The following SRPK2 variants were observed in gnomAD, a reference collection of about 807,000 sequenced individuals.
SRPK2 encodes the protein SFRS protein kinase 2.
SRPK2 carries 21 observed loss-of-function variants against 90.8 expected under a neutral mutation model. That is an observed-to-expected ratio of 0.23 (90% confidence interval 0.16 to 0.33). The LOEUF (loss-of-function observed/expected upper bound fraction) is 0.33. Among genes scored for constraint, SRPK2 ranks in the 10% least tolerant of loss-of-function variants. The pLI is 1.00. For synonymous variants in SRPK2, 288 were observed against 311.1 expected (o/e 0.93, Z 0.78); for missense variants, 620 against 869.0 (o/e 0.71, Z 3.60).
intron 2 of SRPK2, among the ~76,000 whole-genome samples, chr7:105,230,696 C>T (rs374036944): frequency 2.0e-5 from 3 of 152,106 alleles, no homozygotes; most frequent in Non-Finnish European, 4.4e-5. Flanking sequence ...TGTTGACAAA[C>T]GTCAACTGTT....
Position 105,187,981 on chromosome 7 carries a change from C to T in SRPK2, c.229+15647G>A, listed in dbSNP as rs532902733. On this transcript the variant is annotated intron_variant, in intron 3 of 15. Coordinates refer to ENST00000393651, the MANE Select transcript of SRPK2 (RefSeq NM_182692.3). The stretch of plus-strand genomic sequence containing the variant: ...ACAGCCATCTGGGGAAATAATCTGA[C>T]AGCTCCTTAAGTGATTACCATATGA... Among the ~76,000 whole-genome samples, 5 of 152,240 alleles carry T rather than the reference C, an allele frequency of 3.3e-5. No individual in the cohort carries two copies. In the East Asian group the frequency reaches 9.6e-4, roughly 29 times the overall value.
intron 6 of SRPK2, among the ~76,000 whole-genome samples, chr7:105,164,588 A>G (rs2129584455): frequency 6.6e-6 from 1 of 152,244 alleles, no homozygotes; most frequent in East Asian, 1.9e-4. Context: ...ATTGTTTACA[A>G]AAGTGTCTTG....
intron 2 of SRPK2, among the ~76,000 whole-genome samples, chr7:105,212,207 G>A (rs41563): frequency 0.3 from 45,798 of 152,068 alleles, 7,200 homozygotes; most frequent in Non-Finnish European, 0.34. Flanking sequence ...AATGGAGAAA[G>A]ACTGACAGAA....
chr7:105,323,714 A>C (rs1339834826), intron 2 of SRPK2, among the ~76,000 whole-genome samples: 1 of 152,224 alleles, frequency 6.6e-6, no homozygotes, highest in Non-Finnish European at 1.5e-5. Flanking sequence ...GAATATTCTA[A>C]GAAGAACAAA....
intron 7 of SRPK2, among the ~76,000 whole-genome samples, chr7:105,150,725 T>C (rs909623745): frequency 2.6e-5 from 4 of 152,174 alleles, no homozygotes; most frequent in Non-Finnish European, 4.4e-5. Flanking sequence ...AAAGAGATTC[T>C]GAAAAGTACA....
chr7:105,228,093 T>C (rs865942451), intron 2 of SRPK2, among the ~76,000 whole-genome samples: 17 of 152,178 alleles, frequency 1.1e-4, no homozygotes, highest in Middle Eastern at 3.2e-3. Flanking sequence ...CCAGACTGGA[T>C]TGCAGTGATG....
intron 2 of SRPK2, among the ~76,000 whole-genome samples, chr7:105,377,563 G>C (rs1332275278): frequency 6.6e-6 from 1 of 151,934 alleles, no homozygotes; most frequent in Non-Finnish European, 1.5e-5. Flanking sequence ...AGCCAGCCGT[G>C]GTAGTGGCAC....
chr7:105,239,077 T>C (rs1252680992), intron 2 of SRPK2, among the ~76,000 whole-genome samples: 1 of 152,166 alleles, frequency 6.6e-6, no homozygotes, highest in Non-Finnish European at 1.5e-5. Flanking sequence ...ATCACAGCCA[T>C]CCCTGGCAAA....
In SRPK2 at chr7:105,160,568, C is replaced by G; in HGVS notation, c.560G>C (p.Trp187Ser). 6.2e-7 allele frequency: 1 copy of G among 1,613,854 alleles called. No homozygotes were observed. Among genetic ancestry groups the G allele is most frequent in the Non-Finnish European group, 8.5e-7 (1 of 1,179,792 alleles). ...FEVLGHHLLK[W>S]IIKSNYQGLP... The stretch of plus-strand genomic sequence containing the variant: ...GCCTTGATAGTTGGATTTGATGATC[C>G]ACTTGAGGAGATGGTGGCCAAGTAC... The change falls in exon 7 of 16, where the codon TGG becomes TCG. Residue 187 changes from tryptophan (W) to serine (S), a missense_variant. This residue lies in a region of SRPK2 where 196 missense variants were observed against 339.2 expected (regional missense o/e 0.58). Coordinates refer to ENST00000393651, the MANE Select transcript of SRPK2 (RefSeq NM_182692.3).
chr7:105,301,394 C>G, intron 2 of SRPK2: 1 of 626,462 alleles, frequency 1.6e-6, no homozygotes. Context: ...CTGCCAGTGC[C>G]AAGACTGTGC....
chr7:105,387,256 C>T (rs796547977), intron 2 of SRPK2, among the ~76,000 whole-genome samples: 22 of 152,286 alleles, frequency 1.4e-4, no homozygotes, highest in African/African-American at 5.3e-4. Flanking sequence ...GTGATTAAAA[C>T]ACAGTACTTA....
chr7:105,124,120 C>T (rs1299131354), intron 15 of SRPK2, among the ~76,000 whole-genome samples: 2 of 152,190 alleles, frequency 1.3e-5, no homozygotes, highest in South Asian at 2.1e-4. Context: ...TTTATGGCCA[C>T]ACGCAGGCCG....
intron 14 of SRPK2, 146 bp from the exon 15 acceptor site, chr7:105,126,486 T>TG: frequency 6.1e-6 from 4 of 651,992 alleles, no homozygotes; most frequent in Non-Finnish European, 1.0e-5. Context: ...CAGAGGCTTG[T>TG]GGGAATGGCA....
intron 3 of SRPK2, among the ~76,000 whole-genome samples, chr7:105,195,874 C>T (rs1364452302): frequency 1.3e-5 from 2 of 152,176 alleles, no homozygotes; most frequent in Non-Finnish European, 2.9e-5. Flanking sequence ...TACTGGGGTG[C>T]CAGGGAAGCT....
intron 7 of SRPK2, among the ~76,000 whole-genome samples, chr7:105,149,659 T>C (rs566951774): frequency 1.2e-3 from 180 of 152,176 alleles, no homozygotes; most frequent in Middle Eastern, 6.8e-3. Context: ...GGCAGGCCAC[T>C]CCTTCAATCC....
intron 7 of SRPK2, among the ~76,000 whole-genome samples, chr7:105,152,666 G>A (rs1379010166): frequency 1.3e-5 from 2 of 152,136 alleles, no homozygotes; most frequent in African/African-American, 4.8e-5. Flanking sequence ...AAATCTGACA[G>A]AGTTAAGTCT....
chr7:105,205,374 T>C (rs1585168831), intron 2 of SRPK2, among the ~76,000 whole-genome samples: 1 of 152,268 alleles, frequency 6.6e-6, no homozygotes, highest in Non-Finnish European at 1.5e-5. Flanking sequence ...ATTGCTGCTT[T>C]CTGGAATTTA....
chr7:105,175,362 T>C (rs1791706600), intron 3 of SRPK2, among the ~76,000 whole-genome samples: 2 of 121,816 alleles, frequency 1.6e-5, no homozygotes, highest in Non-Finnish European at 4.1e-5. Flanking sequence ...TCAGAATCTA[T>C]GAAATGCTGT....
intron 2 of SRPK2, among the ~76,000 whole-genome samples, chr7:105,238,182 C>T (rs1186324282): frequency 6.6e-6 from 1 of 152,208 alleles, no homozygotes; most frequent in Non-Finnish European, 1.5e-5. Context: ...CACTTCAAGG[C>T]AGATGGCCCC....
Sources: allele counts gnomAD v4.1 joint callset (sites outside exome capture counted in the v4.1 genomes callset), GRCh38; gene constraint gnomAD v4.1.1; regional missense constraint gnomAD v4.1.1; transcripts MANE v1.5; gene names NCBI Gene and HGNC (gene_info 2026-07-23, HGNC 2026-07-21).